The following ARSB variants were observed in gnomAD, a reference collection of about 807,000 sequenced individuals.
The protein encoded by ARSB is arylsulfatase B.
A neutral mutation model predicts 50.9 loss-of-function variants in ARSB; 41 were observed. The observed-to-expected ratio is 0.81, with a 90% CI of 0.63 to 1.04. The LOEUF is 1.04. Ranked by LOEUF, ARSB falls within the 50% of genes least tolerant of loss-of-function variation. The pLI is 0.00. For missense variants in ARSB, 672 were observed against 693.3 expected (o/e 0.97, Z 0.35); for synonymous variants, 269 against 284.8 (o/e 0.94, Z 0.56).
At chr5:78,924,790 T>C (rs766382999) in intron 4 of ARSB, among the ~76,000 whole-genome samples, 3 of 152,186 alleles carry the variant, frequency 2.0e-5, no homozygotes, top group South Asian at 2.1e-4. Flanking sequence ...CTTCAGGGAA[T>C]AGACTGAATT....
At chr5:78,834,174 T>A (rs986805741) in intron 6 of ARSB, among the ~76,000 whole-genome samples, 3 of 152,210 alleles carry the variant, frequency 2.0e-5, no homozygotes, top group African/African-American at 7.2e-5. Context: ...ATGAAAAAGA[T>A]AGAGACCCTA....
At chr5:78,822,118 TA>T (rs1744253750) in intron 6 of ARSB, among the ~76,000 whole-genome samples, 2 of 152,238 alleles carry the variant, frequency 1.3e-5, no homozygotes, top group African/African-American at 4.8e-5. Context: ...TTTTTTCTTA[TA>T]TGCTATTTTA....
chr5:78,941,910 C>A (rs141262259), intron 4 of ARSB, among the ~76,000 whole-genome samples: 1,595 of 152,216 alleles, frequency 0.01, 26 homozygotes, highest in African/African-American at 0.036. Flanking sequence ...TCCATCTGGT[C>A]CTGGACTCTT....
At chr5:78,980,021 T>C (rs978231649) in intron 1 of ARSB, among the ~76,000 whole-genome samples, 1 of 152,298 alleles carries the variant, frequency 6.6e-6, no homozygotes, top group African/African-American at 2.4e-5. Flanking sequence ...TTGTATTCCA[T>C]TTATATGAAA....
chr5:78,788,738 C>T (rs761220158), intron 6 of ARSB, among the ~76,000 whole-genome samples: 2 of 152,094 alleles, frequency 1.3e-5, no homozygotes, highest in African/African-American at 2.4e-5. Context: ...GTGGTTAGGA[C>T]CACAGGCATG....
chr5:78,901,438 G>T (rs1561491091), intron 4 of ARSB, among the ~76,000 whole-genome samples: 1 of 152,090 alleles, frequency 6.6e-6, no homozygotes, highest in Non-Finnish European at 1.5e-5. Context: ...CTACTATAAA[G>T]CTACAGTAAT....
chr5:78,971,692 C>T (rs1227110261), intron 1 of ARSB, among the ~76,000 whole-genome samples: 1 of 152,170 alleles, frequency 6.6e-6, no homozygotes, highest in Non-Finnish European at 1.5e-5. Context: ...CCTGCTATTG[C>T]TTTACTGCAT....
intron 4 of ARSB, among the ~76,000 whole-genome samples, chr5:78,897,472 G>C (rs796156780): frequency 2.1e-4 from 32 of 152,304 alleles, no homozygotes; most frequent in African/African-American, 7.7e-4. Context: ...ATTTAACACA[G>C]TTTGGGGTCT....
chr5:78,959,252 C>T (rs910645736), intron 3 of ARSB, among the ~76,000 whole-genome samples: 2 of 152,126 alleles, frequency 1.3e-5, no homozygotes, highest in Non-Finnish European at 2.9e-5. Flanking sequence ...CCCTTCCACA[C>T]CATTGTAAGT....
chr5:78,838,635 T>C (rs904641938), intron 6 of ARSB, among the ~76,000 whole-genome samples: 1 of 152,208 alleles, frequency 6.6e-6, no homozygotes, highest in Non-Finnish European at 1.5e-5. Flanking sequence ...GTTTGCAAGA[T>C]GAGCATTATG....
At chr5:78,790,495 G>C (rs1380970004) in intron 6 of ARSB, among the ~76,000 whole-genome samples, 1 of 152,104 alleles carries the variant, frequency 6.6e-6, no homozygotes, top group African/African-American at 2.4e-5. Flanking sequence ...CATAACAGTA[G>C]CAAGTGAGAT....
At chr5:78,842,249 A>C (rs1401263642) in intron 5 of ARSB, among the ~76,000 whole-genome samples, 1 of 152,192 alleles carries the variant, frequency 6.6e-6, no homozygotes. Flanking sequence ...CATGGGACAG[A>C]AACGGAGCTT....
intron 6 of ARSB, among the ~76,000 whole-genome samples, chr5:78,833,330 T>C (rs987146969): frequency 2.6e-5 from 2 of 76,650 alleles, no homozygotes; most frequent in African/African-American, 5.3e-5. Context: ...CCTGTGCTGC[T>C]GGACGAAGAC....
In ARSB at chr5:78,846,615, A is replaced by T. The variant is rs1745456278; in HGVS notation, c.1143-7189T>A. Among the ~76,000 whole-genome samples, 3 of 152,124 alleles carry T rather than the reference A, an allele frequency of 2.0e-5. 1 individual carries two copies. In the South Asian group the frequency reaches 6.2e-4, roughly 31 times the overall value. ...TGTTGATTCTGTATCCTGCAACTTT[A>T]CTGAATTTGTTTATCAGTTGTAAGA... On this transcript the variant is annotated intron_variant, in intron 5 of 7. Coordinates refer to ENST00000264914, the MANE Select transcript of ARSB (RefSeq NM_000046.5).
At chr5:78,792,440 C>T (rs902364108) in intron 6 of ARSB, among the ~76,000 whole-genome samples, 18 of 152,022 alleles carry the variant, frequency 1.2e-4, no homozygotes, top group Non-Finnish European at 2.9e-5. Context: ...GCCCGTGGGC[C>T]ATGGGTTTGA....
At chr5:78,860,985 T>C (rs1050294119) in intron 5 of ARSB, among the ~76,000 whole-genome samples, 6 of 152,050 alleles carry the variant, frequency 3.9e-5, no homozygotes, top group African/African-American at 1.4e-4. Context: ...TACAAACACC[T>C]CTATGCAAAT....
intron 4 of ARSB, among the ~76,000 whole-genome samples, chr5:78,893,293 T>C (rs921782815): frequency 6.6e-6 from 1 of 152,180 alleles, no homozygotes; most frequent in African/African-American, 2.4e-5. Context: ...GTCTTGGGTA[T>C]GTCTTTATCA....
chr5:78,836,802 G>A (rs1744973233), intron 6 of ARSB, among the ~76,000 whole-genome samples: 2 of 152,164 alleles, frequency 1.3e-5, no homozygotes, highest in African/African-American at 4.8e-5. Flanking sequence ...ATAAATAAGA[G>A]AGGTTTAATT....
At chr5:78,831,192 G>A (rs918674644) in intron 6 of ARSB, among the ~76,000 whole-genome samples, 1 of 152,110 alleles carries the variant, frequency 6.6e-6, no homozygotes, top group South Asian at 2.1e-4. Context: ...TATAGGTGAT[G>A]AAACAGATGG....
Sources: gnomAD v4.1 joint callset for allele counts (sites outside exome capture counted in the v4.1 genomes callset) on GRCh38, gnomAD v4.1.1 for gene constraint, MANE v1.5 for transcripts, NCBI Gene and HGNC (gene_info 2026-07-23, HGNC 2026-07-21) for gene names.